PRKCI: variants seen among roughly 807,000 people sequenced by gnomAD.
The protein encoded by PRKCI is protein kinase C iota.
PRKCI carries 43 observed loss-of-function variants against 84.0 expected under a neutral mutation model. The ratio of observed to expected loss-of-function variants is 0.51; its 90% CI spans 0.40 to 0.66. The LOEUF (loss-of-function observed/expected upper bound fraction) is 0.66. PRKCI is among the 30% of genes least tolerant of loss of function. The pLI is 0.00. For missense variants in PRKCI, 459 were observed against 745.6 expected (o/e 0.62, Z 4.48); for synonymous variants, 216 against 234.4 (o/e 0.92, Z 0.72).
At chr3:170,259,590 C>T (rs577440549) in intron 2 of PRKCI, among the ~76,000 whole-genome samples, 1 of 152,270 alleles carries the variant, frequency 6.6e-6, no homozygotes, top group South Asian at 2.1e-4. Context: ...AGGCGGATCA[C>T]CTGAGGTCAG....
At chr3:170,277,513 G>C (rs1255773095) in intron 8 of PRKCI, among the ~76,000 whole-genome samples, 1 of 151,954 alleles carries the variant, frequency 6.6e-6, no homozygotes. Flanking sequence ...GAGCAGCCTA[G>C]GCAACATAGT....
chr3:170,246,851 C>T (rs1733300898), intron 2 of PRKCI, among the ~76,000 whole-genome samples: 2 of 152,062 alleles, frequency 1.3e-5, no homozygotes, highest in Admixed American at 6.6e-5. Context: ...CCCTAGTAAC[C>T]TGTATTAAAC....
chr3:170,293,841 C>T (rs557322709), intron 14 of PRKCI, among the ~76,000 whole-genome samples: 7 of 152,064 alleles, frequency 4.6e-5, no homozygotes, highest in Admixed American at 1.3e-4. Context: ...CCACTATGCC[C>T]GGCTAAATTT....
At chr3:170,257,822 G>A (rs1798226) in intron 2 of PRKCI, among the ~76,000 whole-genome samples, 1 of 151,844 alleles carries the variant, frequency 6.6e-6, no homozygotes, top group Non-Finnish European at 1.5e-5. Context: ...GTGCCACCAC[G>A]CCCAGCTAAT....
chr3:170,238,004 A>T (rs73034337), intron 2 of PRKCI, among the ~76,000 whole-genome samples: 5,619 of 152,210 alleles, frequency 0.037, 178 homozygotes, highest in African/African-American at 0.079. Context: ...TATTTTGCAG[A>T]CCTGGTGGGC....
At chr3:170,230,706 C>T (rs571075714) in intron 1 of PRKCI, among the ~76,000 whole-genome samples, 7 of 152,116 alleles carry the variant, frequency 4.6e-5, no homozygotes, top group Non-Finnish European at 1.0e-4. Context: ...AGGGTACTGA[C>T]ACAACTTTTT....
At chr3:170,293,843 G>C (rs1347865203) in intron 14 of PRKCI, among the ~76,000 whole-genome samples, 1 of 151,970 alleles carries the variant, frequency 6.6e-6, no homozygotes, top group East Asian at 1.9e-4. Context: ...ACTATGCCCG[G>C]CTAAATTTTG....
intron 17 of PRKCI, among the ~76,000 whole-genome samples, chr3:170,300,478 T>A (rs189151433): frequency 3.3e-5 from 5 of 152,214 alleles, no homozygotes; most frequent in Admixed American, 3.3e-4. Flanking sequence ...TCTAGCTTGT[T>A]TCCCTCTGTG....
At chr3:170,284,649 T>C (rs1006981081) in intron 12 of PRKCI, 53 bp downstream of exon 12, 59 of 1,536,798 alleles carry the variant, frequency 3.8e-5, no homozygotes, top group Middle Eastern at 1.7e-4. Flanking sequence ...TAGTAGTCTT[T>C]GTAAAATAAC....
chr3:170,235,566 C>CTTTTTTTTTTTTTTT (rs199938459), intron 2 of PRKCI, among the ~76,000 whole-genome samples: 11 of 136,236 alleles, frequency 8.1e-5, no homozygotes, highest in African/African-American at 1.1e-4. Context: ...ATTAACTTGA[C>CTTTTTTTTTTTTTTT]TTTTTTTTTT....
chr3:170,299,372 C>T (rs888204157), intron 17 of PRKCI, among the ~76,000 whole-genome samples: 3 of 152,172 alleles, frequency 2.0e-5, no homozygotes, highest in Admixed American at 6.6e-5. Context: ...GTACTACAGG[C>T]GCGTGCCGCC....
chr3:170,264,662 A>G (rs945590180), intron 4 of PRKCI, among the ~76,000 whole-genome samples: 3 of 152,192 alleles, frequency 2.0e-5, no homozygotes, highest in Non-Finnish European at 4.4e-5. Flanking sequence ...TAGATCTCCA[A>G]TTCCTAGTAA....
Position 170,303,407 on chromosome 3 carries a change from TAA to T in PRKCI, c.*293_*294del, listed in dbSNP as rs199720571. 4,850 of 236,652 alleles carry T rather than the reference TAA, an allele frequency of 0.02. 148 individuals are homozygous for T. Among genetic ancestry groups the T allele is most frequent in the South Asian group, 0.11 (607 of 5,486 alleles). 14.7% of individuals were successfully genotyped at this position (236,652 alleles called of 1,614,324 possible). On this transcript the variant is annotated 3_prime_UTR_variant, in exon 18 of 18. Coordinates refer to ENST00000295797, the MANE Select transcript of PRKCI (RefSeq NM_002740.6). The stretch of plus-strand genomic sequence containing the variant: ...GAGTAATGAAGTTATCTTTTTTGTT[TAA>T]AAAAAAAAAAAACACTGCATTAAAA...
At chr3:170,268,485 A>G (rs1033708744) in intron 5 of PRKCI, among the ~76,000 whole-genome samples, 1 of 152,026 alleles carries the variant, frequency 6.6e-6, no homozygotes, top group Non-Finnish European at 1.5e-5. Context: ...GTTTCAAAAA[A>G]AAAAAAAAAA....
intron 2 of PRKCI, among the ~76,000 whole-genome samples, chr3:170,249,967 C>G (rs1240661674): frequency 1.3e-5 from 2 of 151,998 alleles, no homozygotes; most frequent in Non-Finnish European, 2.9e-5. Context: ...TGCAGGCAAA[C>G]TTACTTTTGT....
intron 12 of PRKCI, among the ~76,000 whole-genome samples, chr3:170,287,851 G>A (rs1010102584): frequency 3.1e-4 from 46 of 147,214 alleles, no homozygotes; most frequent in African/African-American, 1.1e-3. Context: ...AGAGGTTGCA[G>A]TGAGTGGAGA....
intron 2 of PRKCI, among the ~76,000 whole-genome samples, chr3:170,251,267 G>A (rs559102875): frequency 6.6e-6 from 1 of 152,180 alleles, no homozygotes; most frequent in South Asian, 2.1e-4. Flanking sequence ...TTTCCAACAG[G>A]ATTTTAAATC....
At position 170,222,720 on chromosome 3, in the gene PRKCI, C is replaced by T. The variant is rs774284310; in HGVS notation, c.51C>T (p.Gly17=). The change falls in exon 1 of 18, where the codon GGC becomes GGT. Residue 17 remains glycine, a synonymous_variant. Coordinates refer to ENST00000295797, the MANE Select transcript of PRKCI (RefSeq NM_002740.6). The part of the protein sequence containing the change: ...SSTMSHTVAG[G]GSGDHSHQVR... ...CCATGTCCCACACGGTCGCAGGCGG[C>T]GGCAGCGGGGACCATTCCCACCAGG... 7.5e-5 allele frequency: 120 copies of T among 1,608,586 alleles called. No homozygotes were observed. The highest frequency in any genetic ancestry group is 1.3e-4 in the African/African-American group (10 of 74,686).
chr3:170,273,069 T>C (rs1473244396), intron 6 of PRKCI, among the ~76,000 whole-genome samples: 2 of 152,216 alleles, frequency 1.3e-5, no homozygotes, highest in East Asian at 3.8e-4. Flanking sequence ...TGGTCTGAAA[T>C]TAGTTTTGTA....
Sources: gnomAD v4.1 joint callset for allele counts (sites outside exome capture counted in the v4.1 genomes callset) on GRCh38, gnomAD v4.1.1 for gene constraint, MANE v1.5 for transcripts, NCBI Gene and HGNC (gene_info 2026-07-23, HGNC 2026-07-21) for gene names.